AREL1: variants seen among roughly 807,000 people sequenced by gnomAD.
AREL1 encodes the protein apoptosis-resistant E3 ubiquitin protein ligase 1.
AREL1 carries 62 observed loss-of-function variants against 99.0 expected under a neutral mutation model. The ratio of observed to expected loss-of-function variants is 0.63; its 90% confidence interval spans 0.51 to 0.77. AREL1 has a LOEUF of 0.77. Ranked by LOEUF, AREL1 falls within the 30% of genes least tolerant of loss-of-function variation. The probability of loss-of-function intolerance (pLI) is 0.00; values close to 1 mark genes in which losing one functional copy is unlikely to be tolerated. For missense variants in AREL1, 879 were observed against 1,027.6 expected (o/e 0.86, Z 1.98); for synonymous variants, 380 against 376.5 (o/e 1.01, Z -0.11).
chr14:74,672,940 GT>G lies in AREL1; in HGVS notation c.1312del (p.Thr438ProfsTer6), dbSNP rs1289128885. The G allele has an allele frequency of 6.2e-7, 1 of 1,613,972 alleles. No homozygotes were observed. Among genetic ancestry groups the G allele is most frequent in the Non-Finnish European group, 8.5e-7 (1 of 1,180,020 alleles). The stretch of plus-strand genomic sequence containing the variant: ...GAAAAAGTTCACCTTGTCCTGAAAG[GT>G]CTCAGAGCCTCCTGGGGAACAGCAA... ...SLHKNIGGSE[T>X]FQDKVNFFQR... is the part of the protein sequence containing the mutation. On this transcript the variant is annotated frameshift_variant, in exon 11 of 20. Coordinates refer to ENST00000356357, the MANE Select transcript of AREL1 (RefSeq NM_001039479.2). LOFTEE classifies it high-confidence loss of function.
In AREL1 at chr14:74,712,929, T is replaced by C; in HGVS notation, c.-334+4A>G. ...CTCTGCCTAAGGCTGGAGAGAAACGTTACCCGAGCCGGGGGTTGCAGCGCG... is the reference window on the plus strand; with the variant it reads ...CTCTGCCTAAGGCTGGAGAGAAACGCTACCCGAGCCGGGGGTTGCAGCGCG... On this transcript the variant is annotated splice_donor_region_variant and intron_variant, in intron 1 of 19. Transcript: ENST00000356357. 1.5e-6 allele frequency: 1 copy of C among 673,976 alleles called. No individual in the cohort carries two copies. The highest frequency in any genetic ancestry group is 2.7e-6 in the Non-Finnish European group (1 of 367,854). The allele number at this position is 673,976 out of a possible 1,614,324, so 41.7% of individuals were successfully genotyped here.
chr14:74,689,084 GTGAA>G (rs2089812576), intron 2 of AREL1, among the ~76,000 whole-genome samples: 1 of 151,508 alleles, frequency 6.6e-6, no homozygotes, highest in African/African-American at 2.4e-5. Context: ...CTGACCTCAA[GTGAA>G]CCACCTGCCT....
Position 74,661,577 on chromosome 14 carries a change from C to A in AREL1, c.*2143G>T. ...TCTTTGACATATTGTACCTTTTCCC[C>A]ACACTGGCTAGTATGAAAGCAGGAT... On this transcript the variant is annotated 3_prime_UTR_variant, in exon 20 of 20. Transcript: ENST00000356357. 1 of 206,426 alleles carries A rather than the reference C, an allele frequency of 4.8e-6. No individual in the cohort carries two copies. The highest frequency in any genetic ancestry group is 1.0e-5 in the Non-Finnish European group (1 of 99,614). The allele number at this position is 206,426 out of a possible 1,614,324, so 12.8% of individuals were successfully genotyped here.
chr14:74,672,090 A>G (rs2089360582), intron 11 of AREL1: 1 of 413,240 alleles, frequency 2.4e-6, no homozygotes, highest in African/African-American at 2.1e-5. Flanking sequence ...TTCCTTTTCC[A>G]TCAGACCAAA....
At chr14:74,709,657 C>A (rs751096628) in intron 1 of AREL1, among the ~76,000 whole-genome samples, 1 of 152,164 alleles carries the variant, frequency 6.6e-6, no homozygotes, top group South Asian at 2.1e-4. Flanking sequence ...TGCCATGCTA[C>A]CACATTTAGG....
At chr14:74,676,806 A>AT (rs989500239) in intron 5 of AREL1, 54 bp from the exon 6 acceptor site, 53 of 1,354,176 alleles carry the variant, frequency 3.9e-5, no homozygotes, top group South Asian at 1.1e-4. Flanking sequence ...TTTTATTTTT[A>AT]TTTTTTTTGA....
chr14:74,669,947 C>T lies in AREL1; in HGVS notation c.1788G>A (p.Lys596=). The change falls in exon 14 of 20, where the codon AAG becomes AAA. Residue 596 remains lysine (K), a splice_region_variant and synonymous_variant. Coordinates refer to ENST00000356357, the MANE Select transcript of AREL1 (RefSeq NM_001039479.2). ...AQIIGLRMHY[K]YFETDDPEFY... is the part of the protein sequence containing the mutation. Reference sequence around the variant, plus strand: ...AGGAAATGCACACCCAAGATGTTACCTTGTAATGCATACGCAGTCCTATGA... The same window carrying T: ...AGGAAATGCACACCCAAGATGTTACTTTGTAATGCATACGCAGTCCTATGA... 1 of 1,605,490 alleles carries T rather than the reference C, an allele frequency of 6.2e-7. No individual in the cohort carries two copies. The highest frequency in any genetic ancestry group is 8.5e-7 in the Non-Finnish European group (1 of 1,175,290).
intron 5 of AREL1, among the ~76,000 whole-genome samples, chr14:74,682,893 C>T (rs2089662761): frequency 1.3e-5 from 2 of 152,256 alleles, no homozygotes; most frequent in Non-Finnish European, 2.9e-5. Context: ...GATGCTGGTG[C>T]TATGCTTTTT....
chr14:74,670,493 CTTAA>C (rs1271429062), intron 13 of AREL1: 1 of 405,902 alleles, frequency 2.5e-6, no homozygotes, highest in Non-Finnish European at 4.4e-6. Flanking sequence ...GAGAAAGAGG[CTTAA>C]TTATTATAAT....
At chr14:74,671,266 G>A (rs2089332795) in intron 12 of AREL1, 142 bp downstream of exon 12, 6 of 528,818 alleles carry the variant, frequency 1.1e-5, no homozygotes, top group African/African-American at 8.2e-5. Flanking sequence ...CTTTTCCTTG[G>A]GGAAAAAAAA....
chr14:74,711,205 T>G (rs895846731), intron 1 of AREL1, among the ~76,000 whole-genome samples: 2 of 138,174 alleles, frequency 1.4e-5, no homozygotes, highest in Non-Finnish European at 3.1e-5. Context: ...CACTCCAGCC[T>G]GGGTAACAAG....
At chr14:74,692,897 CG>C (rs1397745063) in intron 1 of AREL1, among the ~76,000 whole-genome samples, 1 of 151,992 alleles carries the variant, frequency 6.6e-6, no homozygotes, top group African/African-American at 2.4e-5. Context: ...TTTGTAGAGA[CG>C]GGGTTTTGCC....
chr14:74,673,974 G>A lies in AREL1; in HGVS notation c.1158+60C>T, dbSNP rs1375572073. ...AAGTGCTTCTGAGAAAAAATAAAAG[G>A]CTGAGATAGTCCAGAGATGAAGCAT... is the stretch of plus-strand genomic sequence containing the variant. On this transcript the variant is annotated intron_variant, in intron 9 of 19. Coordinates refer to ENST00000356357, the MANE Select transcript of AREL1 (RefSeq NM_001039479.2). 4.9e-6 allele frequency: 7 copies of A among 1,427,652 alleles called. No individual in the cohort carries two copies. In the Admixed American group the frequency reaches 1.2e-4, roughly 25 times the overall value. 88.4% of individuals were successfully genotyped at this position (1,427,652 alleles called of 1,614,324 possible). A position where few individuals can be genotyped will look rare whatever the true frequency, so the allele number is the denominator to read the frequency against.
chr14:74,671,318 T>C (rs1368403812), intron 12 of AREL1, 90 bp downstream of exon 12: 5 of 414,218 alleles, frequency 1.2e-5, no homozygotes, highest in Non-Finnish European at 2.0e-5. Flanking sequence ...GAGGTAAGAG[T>C]TGCTTTTTTT....
chr14:74,671,358 C>A (rs760161331), intron 12 of AREL1, 50 bp downstream of exon 12: 2 of 186,760 alleles, frequency 1.1e-5, no homozygotes, highest in South Asian at 6.7e-5. Flanking sequence ...GGAGAAGGTG[C>A]GAGTGGGGAG....
chr14:74,706,444 A>G (rs1195015474), intron 1 of AREL1, among the ~76,000 whole-genome samples: 2 of 152,218 alleles, frequency 1.3e-5, no homozygotes, highest in Non-Finnish European at 2.9e-5. Flanking sequence ...AATTATTTAT[A>G]TAATTGAAAG....
chr14:74,676,528 CAG>C (rs2089480499), intron 6 of AREL1, 53 bp downstream of exon 6: 1 of 1,557,718 alleles, frequency 6.4e-7, no homozygotes, highest in Non-Finnish European at 8.7e-7. Flanking sequence ...GTGAGAATAA[CAG>C]AGAAAGGAGC....
In AREL1 at chr14:74,669,662, C is replaced by T. The variant is rs1365877809; in HGVS notation, c.1901G>A (p.Gly634Asp). The change falls in exon 15 of 20, where the codon GGT (glycine) becomes GAT (aspartate). Residue 634 changes from glycine to aspartate, a missense_variant. Gly to Asp is a moderately conservative substitution (Grantham distance 94). Coordinates refer to ENST00000356357, the MANE Select transcript of AREL1 (RefSeq NM_001039479.2). ...VFAEEKYNKS[G>D]QLDKVVELMT... ...CCTCTTTCTCACCTTATCCAATTGA[C>T]CTGATTTATTATATTTCTCTTCTGC... 6.2e-7 allele frequency: 1 copy of T among 1,613,906 alleles called. No homozygotes were observed. Among genetic ancestry groups the T allele is most frequent in the African/African-American group, 1.3e-5 (1 of 74,922 alleles).
chr14:74,707,862 C>T (rs562468382), intron 1 of AREL1, among the ~76,000 whole-genome samples: 8 of 145,280 alleles, frequency 5.5e-5, no homozygotes, highest in East Asian at 4.0e-4. Context: ...GAGGCTGAGG[C>T]GGGAGAATGG....
Sources: gnomAD v4.1 joint callset for allele counts (sites outside exome capture counted in the v4.1 genomes callset) on GRCh38, gnomAD v4.1.1 for gene constraint, MANE v1.5 for transcripts, NCBI Gene and HGNC (gene_info 2026-07-23, HGNC 2026-07-21) for gene names.